Variants in PCDHGB1 observed in about 807,000 individuals in gnomAD.
PCDHGB1 encodes the protein protocadherin gamma-B1.
In PCDHGB1, 34 loss-of-function variants were observed where a neutral mutation model predicts 56.6. That is an observed-to-expected ratio of 0.60 (90% confidence interval 0.46 to 0.80). The LOEUF (loss-of-function observed/expected upper bound fraction) is 0.80, where lower values mean the gene tolerates loss of function less well. Among genes scored for constraint, PCDHGB1 ranks in the 30% least tolerant of loss-of-function variants. The pLI, the probability that PCDHGB1 is intolerant of heterozygous loss-of-function variation, is 0.00. For synonymous variants in PCDHGB1, 561 were observed against 505.9 expected (o/e 1.11, Z -1.46); for missense variants, 1,278 against 1,204.6 (o/e 1.06, Z -0.90).
At chr5:141,407,013 C>T (rs550387003) in intron 1 of PCDHGB1, among the ~76,000 whole-genome samples, 28 of 152,216 alleles carry the variant, frequency 1.8e-4, no homozygotes, top group Middle Eastern at 6.8e-3. Context: ...TTGAAGTTGA[C>T]TCAAAATTCT....
At chr5:141,356,697 A>G in intron 1 of PCDHGB1, 3 of 1,613,888 alleles carry the variant, frequency 1.9e-6, no homozygotes, top group Non-Finnish European at 2.5e-6. Context: ...TCCAGGGTGC[A>G]CCTCTGTCCT....
chr5:141,452,748 A>G (rs2098748275), intron 1 of PCDHGB1, among the ~76,000 whole-genome samples: 1 of 152,058 alleles, frequency 6.6e-6, no homozygotes, highest in Admixed American at 6.6e-5. Flanking sequence ...GAGAGAAGGA[A>G]GAAGGAAGGG....
intron 1 of PCDHGB1, chr5:141,413,963 C>T (rs1368202031): frequency 6.8e-6 from 11 of 1,613,446 alleles, no homozygotes; most frequent in Non-Finnish European, 9.3e-6. Context: ...CCTGTGGGCA[C>T]TCAGCTGCTG....
intron 1 of PCDHGB1, among the ~76,000 whole-genome samples, chr5:141,354,849 T>C (rs950733549): frequency 4.6e-5 from 7 of 152,232 alleles, no homozygotes; most frequent in Non-Finnish European, 7.3e-5. Context: ...TCTTGAATTT[T>C]CATTGCAAAT....
intron 1 of PCDHGB1, chr5:141,410,904 A>G (rs2095446600): frequency 3.8e-6 from 1 of 262,528 alleles, no homozygotes; most frequent in African/African-American, 3.2e-5. Flanking sequence ...CCTAGGCTGG[A>G]GTGCAGTGGC....
At chr5:141,463,784 T>G (rs2099069378) in intron 1 of PCDHGB1, among the ~76,000 whole-genome samples, 1 of 152,194 alleles carries the variant, frequency 6.6e-6, no homozygotes, top group South Asian at 2.1e-4. Context: ...CTGCACTGTC[T>G]TTTGAACAAA....
Position 141,431,615 on chromosome 5 carries a change from G to A in PCDHGB1, c.2410-63192G>A. 1.2e-6 allele frequency: 2 copies of A among 1,614,236 alleles called. No homozygotes were observed. Among genetic ancestry groups the A allele is most frequent in the Non-Finnish European group, 1.7e-6 (2 of 1,180,042 alleles). ...GAGGTATTCCTTCCGGTATGTGGACGACAAGGCGGCCCAAGTTTTCAAACT... is the reference window on the plus strand; with the variant it reads ...GAGGTATTCCTTCCGGTATGTGGACAACAAGGCGGCCCAAGTTTTCAAACT... On this transcript the variant is annotated intron_variant, in intron 1 of 3. Coordinates refer to ENST00000523390, the MANE Select transcript of PCDHGB1 (RefSeq NM_018922.3). The surrounding 1 kb of genome is among the most constrained non-coding windows in gnomAD (Gnocchi z 4.8).
intron 1 of PCDHGB1, chr5:141,371,139 G>T: frequency 6.2e-7 from 1 of 1,614,022 alleles, no homozygotes; most frequent in South Asian, 1.1e-5. Context: ...CATGTACAGG[G>T]TCAATGTTGC....
chr5:141,365,353 T>C lies in PCDHGB1; in HGVS notation c.2409+12684T>C, dbSNP rs565922694. On this transcript the variant is annotated intron_variant, in intron 1 of 3. Coordinates refer to ENST00000523390, the MANE Select transcript of PCDHGB1 (RefSeq NM_018922.3). ...TGGTGGTCACAGTACAGGACGTGAA[T>C]GACAATGCCCCCGAAGTGATCCTCA... 7.4e-6 allele frequency: 12 copies of C among 1,613,980 alleles called. No individual in the cohort carries two copies. In the African/African-American group the frequency reaches 1.3e-4, roughly 18 times the overall value.
chr5:141,374,787 T>C, intron 1 of PCDHGB1: 1 of 1,613,904 alleles, frequency 6.2e-7, no homozygotes, highest in Non-Finnish European at 8.5e-7. Flanking sequence ...GTTCTAGATG[T>C]GAATGACAAC....
At chr5:141,409,441 G>C (rs1432743588) in intron 1 of PCDHGB1, 1 of 1,613,884 alleles carries the variant, frequency 6.2e-7, no homozygotes, top group East Asian at 2.2e-5. Context: ...TGGACCGAGA[G>C]CAGACACCAG....
intron 1 of PCDHGB1, chr5:141,403,981 T>C (rs374013287): frequency 1.4e-5 from 23 of 1,613,600 alleles, no homozygotes; most frequent in Admixed American, 1.2e-4. Flanking sequence ...TAAATGACAA[T>C]AGACCTGAAG....
intron 1 of PCDHGB1, chr5:141,383,273 A>C: frequency 6.2e-7 from 1 of 1,613,960 alleles, no homozygotes; most frequent in Non-Finnish European, 8.5e-7. Flanking sequence ...GAAATAATAG[A>C]TATTAATGAC....
rs1758574033 is a variant in PCDHGB1 at position 141,350,861 on chromosome 5, C to T, written c.601C>T (p.His201Tyr). Residue 201 changes from histidine to tyrosine, a missense_variant, in exon 1 of 4, where the codon CAT becomes TAT. Transcript: ENST00000523390. Reference sequence around the variant, plus strand: ...GCTGGAAAAACCTCTAGACAGGGAACATCAGAGCTCTCATCGCTTAATCCT... The same window carrying T: ...GCTGGAAAAACCTCTAGACAGGGAATATCAGAGCTCTCATCGCTTAATCCT... ...LLLEKPLDRE[H>Y]QSSHRLILTA... 1 of 1,614,074 alleles carries T rather than the reference C, an allele frequency of 6.2e-7. No homozygotes were observed. Among genetic ancestry groups the T allele is most frequent in the Non-Finnish European group, 8.5e-7 (1 of 1,179,912 alleles).
At position 141,385,121 on chromosome 5, in the gene PCDHGB1, T is replaced by C. The variant is rs748623262; in HGVS notation, c.2409+32452T>C. On this transcript the variant is annotated intron_variant, in intron 1 of 3. Transcript: ENST00000523390. The stretch of plus-strand genomic sequence containing the variant: ...GCGAACGTGCCCACCTCGCACTTTG[T>C]GGGCATGGACGGGGTGCAGGCTTTC... 14 of 1,614,214 alleles carry C rather than the reference T, an allele frequency of 8.7e-6. No homozygotes were observed. The Admixed American group carries it at 2.3e-4, about 27-fold the overall frequency.
At position 141,366,468 on chromosome 5, in the gene PCDHGB1, T is replaced by G. The variant is rs745680725; in HGVS notation, c.2409+13799T>G. 5.0e-6 allele frequency: 8 copies of G among 1,614,130 alleles called. No homozygotes were observed. The Admixed American group carries it at 5.0e-5, about 10-fold the overall frequency. On this transcript the variant is annotated intron_variant, in intron 1 of 3. Coordinates refer to ENST00000523390, the MANE Select transcript of PCDHGB1 (RefSeq NM_018922.3). ...CTGGCCTTCGTCATCGTGCTGCTGG[T>G]GCTCAGACTGAGGCGCTGGCACAAG...
intron 1 of PCDHGB1, chr5:141,361,290 A>G: frequency 6.2e-7 from 1 of 1,614,038 alleles, no homozygotes; most frequent in East Asian, 2.2e-5. Flanking sequence ...TTTACTGCCA[A>G]GTGTTGGGAA....
At position 141,399,372 on chromosome 5, in the gene PCDHGB1, T is replaced by A; in HGVS notation, c.2409+46703T>A. The A allele has an allele frequency of 1.2e-6, 2 of 1,613,970 alleles. 1 individual carries two copies. The highest frequency in any genetic ancestry group is 2.2e-5 in the South Asian group (2 of 91,086). On this transcript the variant is annotated intron_variant, in intron 1 of 3. Transcript: ENST00000523390. ...ACCGAGAGCAAACCCCGGAGTACAATGTCACCATCACAGCCACAGACAGGG... is the reference window on the plus strand; with the variant it reads ...ACCGAGAGCAAACCCCGGAGTACAAAGTCACCATCACAGCCACAGACAGGG...
intron 1 of PCDHGB1, chr5:141,427,993 C>G: frequency 6.3e-7 from 1 of 1,599,460 alleles, no homozygotes; most frequent in South Asian, 1.1e-5. Flanking sequence ...CCCGATGGCT[C>G]CGCACTCTTC....
Sources: allele counts gnomAD v4.1 joint callset (sites outside exome capture counted in the v4.1 genomes callset), GRCh38; gene constraint gnomAD v4.1.1; non-coding constraint Gnocchi (gnomAD v3.1); transcripts MANE v1.5; gene names NCBI Gene and HGNC (gene_info 2026-07-23, HGNC 2026-07-21).